Variants in VPS13A observed in about 807,000 individuals in gnomAD.
VPS13A encodes the protein vacuolar protein sorting 13 homolog A, also known as intermembrane lipid transfer protein VPS13A.
VPS13A carries 264 observed loss-of-function variants against 390.9 expected under a neutral mutation model. The ratio of observed to expected loss-of-function variants is 0.68; its 90% CI spans 0.61 to 0.75. The LOEUF is 0.75. Ranked by LOEUF, VPS13A falls within the 30% of genes least tolerant of loss-of-function variation. The pLI is 0.00. For synonymous variants in VPS13A, 1,231 were observed against 1,227.1 expected (o/e 1.00, Z -0.07); for missense variants, 3,409 against 3,733.9 (o/e 0.91, Z 2.27).
chr9:77,261,203 T>C (rs1314088334), intron 23 of VPS13A, among the ~76,000 whole-genome samples: 3 of 152,134 alleles, frequency 2.0e-5, no homozygotes, highest in African/African-American at 7.2e-5. Flanking sequence ...CCGGCCTGTA[T>C]TCTTTTATTT....
At chr9:77,344,045 A>G in intron 50 of VPS13A, 108 bp from the exon 51 acceptor site, 1 of 1,080,102 alleles carries the variant, frequency 9.3e-7, no homozygotes, top group Non-Finnish European at 1.3e-6. Flanking sequence ...CAGTGTTAAA[A>G]CAGGTTTTTT....
In VPS13A at chr9:77,281,470, A is replaced by G. The variant is rs191316443; in HGVS notation, c.2905-397A>G. ...TTTTTTAAAAAGAAAAAGAAAACAC[A>G]GAGTATTTGGATACTTGGTGGACAA... On this transcript the variant is annotated intron_variant, in intron 27 of 71. Coordinates refer to ENST00000360280, the MANE Select transcript of VPS13A (RefSeq NM_033305.3). Among the ~76,000 whole-genome samples, 7 of 152,266 alleles carry G rather than the reference A, an allele frequency of 4.6e-5. No individual in the cohort carries two copies. The East Asian group carries it at 1.2e-3, about 25-fold the overall frequency.
At chr9:77,345,270 C>T (rs1022266466) in intron 52 of VPS13A, 128 bp downstream of exon 52, 1 of 1,069,216 alleles carries the variant, frequency 9.4e-7, no homozygotes, top group Non-Finnish European at 1.4e-6. Context: ...AACAGTGTTC[C>T]ATTAAAAAAT....
In VPS13A at chr9:77,343,425, G is replaced by A. The variant is rs1281341541; in HGVS notation, c.7027-728G>A. Among the ~76,000 whole-genome samples the A allele has an allele frequency of 2.6e-5, 4 of 152,320 alleles. No homozygotes were observed. In the East Asian group the frequency reaches 7.7e-4, roughly 29 times the overall value. ...GATGATGATCAGGTATCACACATGA[G>A]CAGTCTCACTGAAATATATGAAGGG... On this transcript the variant is annotated intron_variant, in intron 50 of 71. Coordinates refer to ENST00000360280, the MANE Select transcript of VPS13A (RefSeq NM_033305.3).
At chr9:77,358,990 G>A (rs536790230) in intron 57 of VPS13A, among the ~76,000 whole-genome samples, 3 of 151,770 alleles carry the variant, frequency 2.0e-5, no homozygotes, top group African/African-American at 7.3e-5. Flanking sequence ...TTTATAACTC[G>A]CTCAGAAGCT....
At chr9:77,369,223 C>T (rs1339771400) in intron 62 of VPS13A, 76 bp from the exon 63 acceptor site, 11 of 1,111,642 alleles carry the variant, frequency 9.9e-6, no homozygotes, top group Middle Eastern at 4.5e-4. Flanking sequence ...GAAAACTGGG[C>T]GTGTGTTTTA....
intron 68 of VPS13A, chr9:77,382,564 G>T: frequency 8.7e-7 from 1 of 1,143,298 alleles, no homozygotes; most frequent in Non-Finnish European, 1.1e-6. Flanking sequence ...CATTTCTGTT[G>T]TGGGGTTATT....
chr9:77,326,541 A>T (rs906721593), intron 45 of VPS13A, among the ~76,000 whole-genome samples: 3 of 151,654 alleles, frequency 2.0e-5, no homozygotes, highest in Non-Finnish European at 4.4e-5. Flanking sequence ...ACCCCATCTG[A>T]TATATTTTTC....
rs767557525 is a variant in VPS13A, at chr9:77,370,555, C to T, written c.8884C>T (p.Arg2962Cys). ...AGCTGGTTTTAGAGAAGGCATCACT[C>T]GTGGAGGAAAAGGCTTAGTTTCTGT... ...QPAGFREGIT[R>C]GGKGLVSGFV... Residue 2962 changes from arginine (R) to cysteine (C), a missense_variant, in exon 65 of 72, where the codon CGT (arginine) becomes TGT (cysteine). Arg to Cys is a radical substitution (Grantham distance 180). Coordinates refer to ENST00000360280, the MANE Select transcript of VPS13A (RefSeq NM_033305.3). 3.7e-6 allele frequency: 6 copies of T among 1,613,948 alleles called. No individual in the cohort carries two copies. Among genetic ancestry groups the T allele is most frequent in the East Asian group, 2.2e-5 (1 of 44,872 alleles).
intron 1 of VPS13A, among the ~76,000 whole-genome samples, chr9:77,191,705 T>C (rs1824698039): frequency 6.6e-6 from 1 of 152,242 alleles, no homozygotes; most frequent in Admixed American, 6.5e-5. Flanking sequence ...GAGATCTTCT[T>C]GGTATTGTTA....
In VPS13A at chr9:77,403,270, A is replaced by G; in HGVS notation, c.9224A>G (p.Tyr3075Cys). 6.2e-7 allele frequency: 1 copy of G among 1,612,486 alleles called. No individual in the cohort carries two copies. The highest frequency in any genetic ancestry group is 8.5e-7 in the Non-Finnish European group (1 of 1,179,674). ...MENGRFAKYK[Y>C]FTHVMINKTD... The stretch of plus-strand genomic sequence containing the variant: ...AATGGAAGATTTGCAAAATACAAAT[A>G]TTTTACCCATGTCATGATCAATAAG... Residue 3075 changes from tyrosine (Y) to cysteine (C), a missense_variant, in exon 69 of 72, where the codon TAT (tyrosine) becomes TGT (cysteine). Around this residue, in one of 5 missense-constraint regions of VPS13A, gnomAD observed 318 missense variants for 333.7 expected, o/e 0.95. Coordinates refer to ENST00000360280, the MANE Select transcript of VPS13A (RefSeq NM_033305.3).
intron 46 of VPS13A, among the ~76,000 whole-genome samples, chr9:77,336,880 T>C (rs1830566712): frequency 6.9e-6 from 1 of 145,304 alleles, no homozygotes; most frequent in Admixed American, 7.3e-5. Flanking sequence ...CACTGTAAGC[T>C]CTGCCTCCCG....
chr9:77,275,810 C>CT lies in VPS13A; in HGVS notation c.2667+158_2667+159insT, dbSNP rs202033641. Reference sequence around the variant, plus strand: ...GATTCTTGGTCACTCCCCGCCCCCCCCTTTTTTTTTTAAATAAGATTAACT... The same window carrying CT: ...GATTCTTGGTCACTCCCCGCCCCCCCTCTTTTTTTTTTAAATAAGATTAACT... On this transcript the variant is annotated intron_variant, in intron 25 of 71. Transcript: ENST00000360280. 0.053 allele frequency among the ~76,000 whole-genome samples: 8,002 copies of CT among 149,886 alleles called. 310 individuals carry two copies. The highest frequency in any genetic ancestry group is 0.12 in the Middle Eastern group (35 of 288).
At chr9:77,240,931 T>C (rs1824451863) in intron 19 of VPS13A, among the ~76,000 whole-genome samples, 1 of 152,330 alleles carries the variant, frequency 6.6e-6, no homozygotes, top group African/African-American at 2.4e-5. Context: ...GTACATTATC[T>C]ACCCTTTTCT....
In VPS13A at chr9:77,214,334, C is replaced by G; in HGVS notation, c.702C>G (p.Asp234Glu). ...YLSDYDNSLD[D>E]LKNGIVNENI... is the part of the protein sequence containing the mutation. ...AGCAATTTGTCTTTTAATAGGACGA[C>G]TTGAAGAATGGCATTGTCAATGAAA... The change falls in exon 10 of 72, where the codon GAC becomes GAG. Residue 234 changes from aspartate (D) to glutamate (E), a missense_variant. Around this residue, in one of 5 missense-constraint regions of VPS13A, gnomAD observed 2,717 missense variants for 2,917.4 expected, o/e 0.93. Coordinates refer to ENST00000360280, the MANE Select transcript of VPS13A (RefSeq NM_033305.3). 1.2e-6 allele frequency: 2 copies of G among 1,612,684 alleles called. No homozygotes were observed. The highest frequency in any genetic ancestry group is 1.7e-5 in the Admixed American group (1 of 59,984).
At chr9:77,403,342 T>C in intron 69 of VPS13A, 21 bp downstream of exon 69, 1 of 1,590,778 alleles carries the variant, frequency 6.3e-7, no homozygotes, top group Non-Finnish European at 8.6e-7. Context: ...TTCTTTCTCT[T>C]ACGTAATTTT....
At position 77,307,958 on chromosome 9, in the gene VPS13A, A is replaced by G; in HGVS notation, c.3974A>G (p.Gln1325Arg). Residue 1325 changes from glutamine (Q) to arginine (R), a missense_variant, in exon 35 of 72, where the codon CAA (glutamine) becomes CGA (arginine). Gln to Arg is a conservative substitution (Grantham distance 43). Coordinates refer to ENST00000360280, the MANE Select transcript of VPS13A (RefSeq NM_033305.3). ...QLKPMEFILSQEDITTIFKTL... is the reference protein window; with the variant it reads ...QLKPMEFILSREDITTIFKTL... ...TTTTTTTAACAGTTCATTCTTAGTC[A>G]AGAAGATATAACAACTATTTTTAAA... is the stretch of plus-strand genomic sequence containing the variant. The G allele has an allele frequency of 6.3e-7, 1 of 1,591,864 alleles. No individual in the cohort carries two copies. Among genetic ancestry groups the G allele is most frequent in the Non-Finnish European group, 8.6e-7 (1 of 1,159,964 alleles).
chr9:77,407,688 A>C, intron 71 of VPS13A, 81 bp downstream of exon 71: 2 of 1,132,920 alleles, frequency 1.8e-6, no homozygotes, highest in South Asian at 1.3e-5. Context: ...AATGCAGATA[A>C]GTTTTGTTTG....
In VPS13A at chr9:77,282,265, A is replaced by T; in HGVS notation, c.3109A>T (p.Lys1037Ter). The T allele has an allele frequency of 3.1e-6, 5 of 1,612,218 alleles. No individual in the cohort carries two copies. The highest frequency in any genetic ancestry group is 4.2e-6 in the Non-Finnish European group (5 of 1,179,476). The change falls in exon 29 of 72, where the codon AAA becomes TAA. Residue 1037 changes from lysine (K) to a stop codon, truncating the protein, a stop_gained. Transcript: ENST00000360280. LOFTEE classifies it high-confidence loss of function. ...GACTGAAGACAAAGGAGATGTCATT[A>T]AAAAATTAGGTATGTTTTTTAAAAA... Reference protein sequence around the residue: ...TETEDKGDVIKKLALKLSTNE... With the variant: ...TETEDKGDVI
Sources: allele counts gnomAD v4.1 joint callset (sites outside exome capture counted in the v4.1 genomes callset), GRCh38; gene constraint gnomAD v4.1.1; regional missense constraint gnomAD v4.1.1; transcripts MANE v1.5; gene names NCBI Gene and HGNC (gene_info 2026-07-23, HGNC 2026-07-21).